SEMA3C: variants seen among roughly 807,000 people sequenced by gnomAD.
SEMA3C encodes the protein semaphorin 3C, also known as semaphorin-3C.
Under a neutral mutation model 89.4 loss-of-function variants are expected in SEMA3C, and 47 were observed. The observed-to-expected ratio is 0.53, with a 90% CI of 0.42 to 0.67. SEMA3C has a LOEUF of 0.67. Ranked by LOEUF, SEMA3C falls within the 30% of genes least tolerant of loss-of-function variation. The pLI is 0.00. For missense variants in SEMA3C, 839 were observed against 929.1 expected (o/e 0.90, Z 1.26); for synonymous variants, 310 against 320.2 (o/e 0.97, Z 0.34).
intron 2 of SEMA3C, among the ~76,000 whole-genome samples, chr7:80,893,752 G>C (rs1046585207): frequency 3.3e-5 from 5 of 151,910 alleles, no homozygotes; most frequent in African/African-American, 1.2e-4. Context: ...TAGACTCTGA[G>C]GTTACATAAA....
chr7:80,815,793 A>G (rs1483764390), intron 5 of SEMA3C, among the ~76,000 whole-genome samples: 1 of 152,106 alleles, frequency 6.6e-6, no homozygotes, highest in African/African-American at 2.4e-5. Context: ...ATTCTTGGTC[A>G]GTCTAAGGTA....
chr7:80,913,578 C>T (rs1030092609), intron 2 of SEMA3C, among the ~76,000 whole-genome samples: 8 of 152,144 alleles, frequency 5.3e-5, no homozygotes, highest in Non-Finnish European at 1.0e-4. Flanking sequence ...TAAGGAAAAA[C>T]TTATACTAAA....
chr7:80,746,292 A>G (rs1024924232), intron 17 of SEMA3C, among the ~76,000 whole-genome samples: 8 of 152,178 alleles, frequency 5.3e-5, no homozygotes, highest in Middle Eastern at 3.2e-3. Context: ...CAAAAAGGCA[A>G]GTATAGTATT....
chr7:80,833,609 T>C (rs1299543980), intron 2 of SEMA3C, among the ~76,000 whole-genome samples: 2 of 152,212 alleles, frequency 1.3e-5, no homozygotes, highest in Admixed American at 6.5e-5. Flanking sequence ...CATCTTCAAA[T>C]TTAATTACCT....
At chr7:80,905,785 GT>G (rs1212054865) in intron 2 of SEMA3C, 2 of 1,073,416 alleles carry the variant, frequency 1.9e-6, no homozygotes, top group East Asian at 1.2e-4. Flanking sequence ...ATGCAGCAGG[GT>G]TTGCCTGGTG....
At chr7:80,890,550 ACTTT>A (rs1307112331) in intron 2 of SEMA3C, among the ~76,000 whole-genome samples, 6 of 152,168 alleles carry the variant, frequency 3.9e-5, no homozygotes, top group African/African-American at 1.4e-4. Context: ...GAGTTTATAT[ACTTT>A]CTACTTTTTA....
At chr7:80,791,120 G>T (rs940819172) in intron 11 of SEMA3C, among the ~76,000 whole-genome samples, 1 of 151,948 alleles carries the variant, frequency 6.6e-6, no homozygotes, top group Non-Finnish European at 1.5e-5. Context: ...ACAAGAACGA[G>T]ATCTGGAGAA....
chr7:80,802,946 T>C lies in SEMA3C; in HGVS notation c.802-167A>G, dbSNP rs3800559. ...AGAGGAATATTTATGACTTATAGTA[T>C]TTTATACAATAGTTATACTATTATT... On this transcript the variant is annotated intron_variant, in intron 8 of 17. Coordinates refer to ENST00000265361, the MANE Select transcript of SEMA3C (RefSeq NM_006379.5). Among the ~76,000 whole-genome samples the C allele has an allele frequency of 7.2e-5, 11 of 152,288 alleles. No individual in the cohort carries two copies. The East Asian group carries it at 2.1e-3, about 29-fold the overall frequency.
chr7:80,903,259 C>A (rs1178963890), intron 2 of SEMA3C, among the ~76,000 whole-genome samples: 1 of 152,158 alleles, frequency 6.6e-6, no homozygotes, highest in Non-Finnish European at 1.5e-5. Flanking sequence ...CAGTACAAAC[C>A]TGTACAGCAC....
intron 2 of SEMA3C, among the ~76,000 whole-genome samples, chr7:80,904,879 T>C (rs548969233): frequency 1.8e-4 from 28 of 152,144 alleles, no homozygotes; most frequent in African/African-American, 5.8e-4. Context: ...AGGTTGAGAA[T>C]CACTGCCCTA....
intron 2 of SEMA3C, among the ~76,000 whole-genome samples, chr7:80,872,317 G>C (rs761208542): frequency 6.6e-6 from 1 of 151,768 alleles, no homozygotes; most frequent in Non-Finnish European, 1.5e-5. Flanking sequence ...TGTCCAGCCA[G>C]TTTTTTTCTA....
intron 2 of SEMA3C, among the ~76,000 whole-genome samples, chr7:80,856,525 C>A (rs2115965330): frequency 2.8e-5 from 3 of 105,362 alleles, no homozygotes; most frequent in African/African-American, 3.8e-5. Flanking sequence ...CACAATTCTG[C>A]ATTGGTTAAG....
intron 2 of SEMA3C, among the ~76,000 whole-genome samples, chr7:80,860,676 G>A (rs1351929453): frequency 2.0e-5 from 3 of 152,088 alleles, no homozygotes; most frequent in Admixed American, 6.6e-5. Flanking sequence ...AAGGTCAAGG[G>A]CCCATGGTCA....
rs771397105 is a variant in SEMA3C, at chr7:80,802,798, C to G, written c.802-19G>C. 1 of 1,564,366 alleles carries G rather than the reference C, an allele frequency of 6.4e-7. No individual in the cohort carries two copies. The highest frequency in any genetic ancestry group is 8.8e-7 in the Non-Finnish European group (1 of 1,136,508). Reference sequence around the variant, plus strand: ...TGTCATTCTAAAACCATTTTGTAAACATAATTCAGATTGCTTAAGTAAATA... The same window carrying G: ...TGTCATTCTAAAACCATTTTGTAAAGATAATTCAGATTGCTTAAGTAAATA... On this transcript the variant is annotated intron_variant, in intron 8 of 17. Transcript: ENST00000265361.
intron 2 of SEMA3C, among the ~76,000 whole-genome samples, chr7:80,837,522 T>C (rs915741258): frequency 6.6e-6 from 1 of 152,152 alleles, no homozygotes; most frequent in Non-Finnish European, 1.5e-5. Context: ...ATGATCTAGT[T>C]CCAGATTACC....
intron 2 of SEMA3C, among the ~76,000 whole-genome samples, chr7:80,863,338 T>TAA (rs1562911402): frequency 2.8e-4 from 41 of 145,264 alleles, no homozygotes; most frequent in African/African-American, 1.0e-3. Context: ...AATCAAAATA[T>TAA]TAAAAAAAAA....
intron 2 of SEMA3C, among the ~76,000 whole-genome samples, chr7:80,872,529 C>T (rs930126358): frequency 6.6e-6 from 1 of 151,640 alleles, no homozygotes. Context: ...CTCGGCCGGG[C>T]GTGGTGGCTT....
chr7:80,802,073 T>C (rs1294154476), intron 9 of SEMA3C, among the ~76,000 whole-genome samples: 1 of 152,058 alleles, frequency 6.6e-6, no homozygotes, highest in Non-Finnish European at 1.5e-5. Flanking sequence ...CCTGGGATAT[T>C]CAGATTAAAA....
chr7:80,769,888 A>C (rs1275270861), intron 12 of SEMA3C, among the ~76,000 whole-genome samples: 1 of 148,440 alleles, frequency 6.7e-6, no homozygotes, highest in Non-Finnish European at 1.5e-5. Context: ...AAAAAAAAAA[A>C]CCACAATACA....
Sources: allele counts gnomAD v4.1 joint callset (sites outside exome capture counted in the v4.1 genomes callset), GRCh38; gene constraint gnomAD v4.1.1; transcripts MANE v1.5; gene names NCBI Gene and HGNC (gene_info 2026-07-23, HGNC 2026-07-21).